UBASH3B: variants seen among roughly 807,000 people sequenced by gnomAD.
UBASH3B encodes ubiquitin-associated and SH3 domain-containing protein B.
A neutral mutation model predicts 83.4 loss-of-function variants in UBASH3B; 37 were observed. That is an observed-to-expected ratio of 0.44 (90% CI 0.34 to 0.58). UBASH3B has a LOEUF of 0.58. Ranked by LOEUF, UBASH3B falls within the 20% of genes least tolerant of loss-of-function variation. The pLI is 0.01. For synonymous variants in UBASH3B, 304 were observed against 318.3 expected, an observed-to-expected ratio of 0.96 and a Z score of 0.48; for missense variants, 657 against 827.2, an observed-to-expected ratio of 0.79 and a Z score of 2.52.
chr11:122,765,426 T>C (rs993329758), intron 1 of UBASH3B, among the ~76,000 whole-genome samples: 4 of 152,176 alleles, frequency 2.6e-5, no homozygotes, highest in Admixed American at 2.0e-4. Context: ...GCTTTGACAC[T>C]GGAGAGTGGG....
chr11:122,727,768 C>A (rs775050438), intron 1 of UBASH3B, among the ~76,000 whole-genome samples: 1 of 152,158 alleles, frequency 6.6e-6, no homozygotes, highest in Non-Finnish European at 1.5e-5. Flanking sequence ...CTTGGCAATG[C>A]GGAACTCAGT....
intron 1 of UBASH3B, among the ~76,000 whole-genome samples, chr11:122,736,005 TA>T (rs1860926381): frequency 6.6e-6 from 1 of 152,072 alleles, no homozygotes; most frequent in Non-Finnish European, 1.5e-5. Context: ...GGATGGTGTA[TA>T]AAATGGGAGA....
rs1555140846 is a variant in UBASH3B, at chr11:122,725,342, A to AAG, written c.162-50876_162-50875insGA. Among the ~76,000 whole-genome samples, 223 of 130,820 alleles carry AAG rather than the reference A, an allele frequency of 1.7e-3. 5 individuals are homozygous for AAG. The East Asian group carries it at 0.026, about 15-fold the overall frequency. 85.8% of individuals were successfully genotyped at this position (130,820 alleles called of 152,430 possible). A position where few individuals can be genotyped will look rare whatever the true frequency, so the allele number is the denominator to read the frequency against. ...AGCACCATAAACAAAAAAAAAAAAA[A>AAG]AAGAAAAGAAAAGAAACAAACTCAA... On this transcript the variant is annotated intron_variant, in intron 1 of 13. Coordinates refer to ENST00000284273, the MANE Select transcript of UBASH3B (RefSeq NM_032873.5).
At chr11:122,740,139 T>C (rs1343771422) in intron 1 of UBASH3B, among the ~76,000 whole-genome samples, 1 of 152,124 alleles carries the variant, frequency 6.6e-6, no homozygotes, top group Non-Finnish European at 1.5e-5. Context: ...AGGAATAATA[T>C]TCAGTTCTAC....
At chr11:122,713,966 C>CACAGAACTCGTGATAG (rs1864233546) in intron 1 of UBASH3B, among the ~76,000 whole-genome samples, 1 of 148,552 alleles carries the variant, frequency 6.7e-6, no homozygotes, top group Non-Finnish European at 1.5e-5. Context: ...TTAGGTGGCT[C>CACAGAACTCGTGATAG]ACAGAACTAT....
chr11:122,659,841 A>G (rs1212761416), intron 1 of UBASH3B, among the ~76,000 whole-genome samples: 1 of 152,044 alleles, frequency 6.6e-6, no homozygotes, highest in Non-Finnish European at 1.5e-5. Flanking sequence ...TGACAGCTCT[A>G]GTTTCCCCTA....
intron 1 of UBASH3B, among the ~76,000 whole-genome samples, chr11:122,710,684 T>C (rs1292144334): frequency 7.3e-6 from 1 of 137,116 alleles, no homozygotes; most frequent in Non-Finnish European, 1.6e-5. Context: ...GTATAGGGGG[T>C]GGAAGCTGCC....
chr11:122,679,561 T>C (rs1385165795), intron 1 of UBASH3B, among the ~76,000 whole-genome samples: 1 of 152,198 alleles, frequency 6.6e-6, no homozygotes, highest in Non-Finnish European at 1.5e-5. Context: ...GATTGGTATG[T>C]ACACTGAAGT....
At chr11:122,691,325 C>T (rs1275537213) in intron 1 of UBASH3B, among the ~76,000 whole-genome samples, 1 of 152,220 alleles carries the variant, frequency 6.6e-6, no homozygotes, top group Non-Finnish European at 1.5e-5. Context: ...CTATTTGAAG[C>T]TGGCTTTTGT....
intron 1 of UBASH3B, among the ~76,000 whole-genome samples, chr11:122,703,159 G>T (rs561089464): frequency 6.6e-6 from 1 of 152,212 alleles, no homozygotes; most frequent in Admixed American, 6.5e-5. Flanking sequence ...GGGCACGGTG[G>T]CTCATGCCTG....
In UBASH3B at chr11:122,655,883, C is replaced by A; in HGVS notation, c.-167C>A. The A allele has an allele frequency of 2.8e-6, 2 of 718,258 alleles. No homozygotes were observed. The highest frequency in any genetic ancestry group is 4.2e-6 in the Non-Finnish European group (2 of 476,266). The allele number at this position is 718,258 out of a possible 1,614,324, so 44.5% of individuals were successfully genotyped here. On this transcript the variant is annotated 5_prime_UTR_variant, in exon 1 of 14. Transcript: ENST00000284273. ...TGGCTCCTGTGGCCTCACCAGGAAG[C>A]GTCAGAGTCCCGACACTGGGGAAGC...
chr11:122,771,888 G>C (rs956061134), intron 1 of UBASH3B, among the ~76,000 whole-genome samples: 3 of 152,040 alleles, frequency 2.0e-5, no homozygotes, highest in Non-Finnish European at 4.4e-5. Context: ...CCAGCCTTAG[G>C]ATCAGTTGGG....
At chr11:122,779,034 C>T (rs145337546) in intron 3 of UBASH3B, among the ~76,000 whole-genome samples, 158 of 152,314 alleles carry the variant, frequency 1.0e-3, no homozygotes, top group African/African-American at 3.6e-3. Flanking sequence ...GCTTATCAGG[C>T]ATTTGTGGTG....
At chr11:122,694,150 G>A (rs1301402201) in intron 1 of UBASH3B, among the ~76,000 whole-genome samples, 1 of 152,138 alleles carries the variant, frequency 6.6e-6, no homozygotes, top group African/African-American at 2.4e-5. Context: ...ATTACAAAGG[G>A]TGAGGGGCTC....
At chr11:122,708,378 G>A (rs971557087) in intron 1 of UBASH3B, among the ~76,000 whole-genome samples, 9 of 141,578 alleles carry the variant, frequency 6.4e-5, no homozygotes, top group African/African-American at 2.1e-4. Context: ...TGCAACCTCC[G>A]CCTCCCAGGT....
chr11:122,779,585 T>C lies in UBASH3B; in HGVS notation c.491T>C (p.Leu164Pro). Residue 164 changes from leucine to proline, a missense_variant, in exon 4 of 14, where the codon CTG becomes CCG. By Grantham distance (98) the Leu-to-Pro change is moderately conservative. Around this residue, in one of 3 missense-constraint regions of UBASH3B, gnomAD observed 573 missense variants for 739.0 expected, o/e 0.78. Transcript: ENST00000284273. Reference sequence around the variant, plus strand: ...TGTAAGTTCTCGGCCCCGCTGCCCCTGGAGCTCTATACGTCGTCCAACTTC... The same window carrying C: ...TGTAAGTTCTCGGCCCCGCTGCCCCCGGAGCTCTATACGTCGTCCAACTTC... ...WKCKFSAPLP[L>P]ELYTSSNFIG... The C allele has an allele frequency of 6.2e-7, 1 of 1,614,188 alleles. No homozygotes were observed. The highest frequency in any genetic ancestry group is 8.5e-7 in the Non-Finnish European group (1 of 1,180,028).
At chr11:122,728,516 A>G (rs1177423745) in intron 1 of UBASH3B, among the ~76,000 whole-genome samples, 1 of 152,144 alleles carries the variant, frequency 6.6e-6, no homozygotes, top group Non-Finnish European at 1.5e-5. Flanking sequence ...ACCCATAGCT[A>G]CTTCTCTTAT....
chr11:122,695,833 TG>T (rs1863958643), intron 1 of UBASH3B, among the ~76,000 whole-genome samples: 1 of 152,234 alleles, frequency 6.6e-6, no homozygotes, highest in Non-Finnish European at 1.5e-5. Context: ...GGTTAAAAAA[TG>T]AAGTTTTCAT....
intron 1 of UBASH3B, among the ~76,000 whole-genome samples, chr11:122,669,622 A>C (rs1027613583): frequency 6.6e-6 from 1 of 152,186 alleles, no homozygotes; most frequent in East Asian, 1.9e-4. Flanking sequence ...TTCTGTTACT[A>C]ACTTGTCACC....
Sources: gnomAD v4.1 joint callset for allele counts (sites outside exome capture counted in the v4.1 genomes callset) on GRCh38, gnomAD v4.1.1 for gene constraint, gnomAD v4.1.1 regional missense constraint, MANE v1.5 for transcripts, NCBI Gene and HGNC (gene_info 2026-07-23, HGNC 2026-07-21) for gene names.